The following PDIA5 variants were observed in gnomAD, a reference collection of about 807,000 sequenced individuals.
PDIA5 encodes protein disulfide isomerase family A member 5.
A neutral mutation model predicts 77.6 loss-of-function variants in PDIA5; 58 were observed. That is an observed-to-expected ratio of 0.75 (90% CI 0.61 to 0.93). PDIA5 has a LOEUF of 0.93. Among genes scored for constraint, PDIA5 ranks in the 40% least tolerant of loss-of-function variants. The pLI is 0.00. For synonymous variants in PDIA5, 250 were observed against 252.1 expected (o/e 0.99, Z 0.08); for missense variants, 630 against 647.7 (o/e 0.97, Z 0.30).
At chr3:123,150,416 A>G (rs1935864481) in intron 14 of PDIA5, 52 bp downstream of exon 14, 3 of 1,560,180 alleles carry the variant, frequency 1.9e-6, no homozygotes, top group African/African-American at 2.7e-5. Context: ...GTTTGGCCCC[A>G]CCAAACCAAA....
chr3:123,122,921 G>T (rs1935152471), intron 8 of PDIA5, among the ~76,000 whole-genome samples: 1 of 152,154 alleles, frequency 6.6e-6, no homozygotes, highest in African/African-American at 2.4e-5. Flanking sequence ...ATGCCACTCT[G>T]CTTTGTGGAA....
intron 1 of PDIA5, among the ~76,000 whole-genome samples, chr3:123,071,169 G>A (rs1325354244): frequency 1.3e-5 from 2 of 152,064 alleles, no homozygotes; most frequent in Non-Finnish European, 2.9e-5. Flanking sequence ...TGATCTGTGA[G>A]ATTCAGAACT....
At chr3:123,071,322 T>C (rs954471062) in intron 1 of PDIA5, among the ~76,000 whole-genome samples, 4 of 152,122 alleles carry the variant, frequency 2.6e-5, no homozygotes, top group African/African-American at 9.7e-5. Flanking sequence ...TTCCCACTCA[T>C]CCATCTCCCG....
At chr3:123,129,837 A>G (rs1455886892) in intron 10 of PDIA5, among the ~76,000 whole-genome samples, 2 of 152,180 alleles carry the variant, frequency 1.3e-5, no homozygotes, top group South Asian at 2.1e-4. Context: ...GGAGAACTAA[A>G]TAAGTTGGTT....
intron 7 of PDIA5, among the ~76,000 whole-genome samples, chr3:123,113,066 TTTC>T (rs1934903417): frequency 6.6e-6 from 1 of 152,214 alleles, no homozygotes; most frequent in African/African-American, 2.4e-5. Flanking sequence ...CCCCTTTTTG[TTTC>T]TTCTTGGAGG....
At chr3:123,081,406 C>A (rs1030040619) in intron 1 of PDIA5, among the ~76,000 whole-genome samples, 1 of 152,206 alleles carries the variant, frequency 6.6e-6, no homozygotes, top group African/African-American at 2.4e-5. Context: ...AAATTCTCAG[C>A]CCGCTCAAGT....
chr3:123,077,549 TAC>T (rs368009624), intron 1 of PDIA5, among the ~76,000 whole-genome samples: 2,193 of 135,992 alleles, frequency 0.016, 17 homozygotes, highest in African/African-American at 0.027. Flanking sequence ...CTCACACACA[TAC>T]ACACACACAC....
At chr3:123,141,451 A>G (rs114192899) in intron 11 of PDIA5, among the ~76,000 whole-genome samples, 443 of 152,292 alleles carry the variant, frequency 2.9e-3, no homozygotes, top group African/African-American at 0.01. Context: ...GGGACTTTGC[A>G]TGGACCACTC....
intron 7 of PDIA5, among the ~76,000 whole-genome samples, chr3:123,113,607 T>C (rs1462371913): frequency 6.6e-6 from 1 of 152,184 alleles, no homozygotes; most frequent in East Asian, 1.9e-4. Context: ...GTGTGTATGA[T>C]TTTTTACAAA....
chr3:123,082,438 G>T (rs180867304), intron 1 of PDIA5, among the ~76,000 whole-genome samples: 2 of 152,218 alleles, frequency 1.3e-5, no homozygotes, highest in Non-Finnish European at 2.9e-5. Context: ...ACCCACTGGG[G>T]TATTGTGAGG....
chr3:123,085,087 G>A (rs193155177), intron 1 of PDIA5, among the ~76,000 whole-genome samples: 61 of 152,280 alleles, frequency 4.0e-4, no homozygotes, highest in African/African-American at 1.4e-3. Context: ...GGCTTCCATC[G>A]ACCCTTCTGG....
At chr3:123,091,979 G>T (rs1934300072) in intron 2 of PDIA5, among the ~76,000 whole-genome samples, 1 of 152,246 alleles carries the variant, frequency 6.6e-6, no homozygotes, top group Non-Finnish European at 1.5e-5. Flanking sequence ...GATTGTCATT[G>T]TTTATGGAAT....
At chr3:123,117,662 T>C (rs926719208) in intron 8 of PDIA5, among the ~76,000 whole-genome samples, 1 of 152,028 alleles carries the variant, frequency 6.6e-6, no homozygotes, top group Non-Finnish European at 1.5e-5. Flanking sequence ...ATTTCCTTCT[T>C]TTTTTAGGGC....
chr3:123,150,435 C>A lies in PDIA5; in HGVS notation c.1273+71C>A, dbSNP rs555318245. Reference sequence around the variant, plus strand: ...GGCCCCACCAAACCAAAAAGACCCGCACACCCACCCCAGGGACCAAGGCAG... The same window carrying A: ...GGCCCCACCAAACCAAAAAGACCCGAACACCCACCCCAGGGACCAAGGCAG... On this transcript the variant is annotated intron_variant, in intron 14 of 16. Coordinates refer to ENST00000316218, the MANE Select transcript of PDIA5 (RefSeq NM_006810.4). The A allele has an allele frequency of 4.7e-5, 69 of 1,472,858 alleles. No individual in the cohort carries two copies. In the African/African-American group the frequency reaches 8.0e-4, roughly 17 times the overall value. 91.2% of individuals were successfully genotyped at this position (1,472,858 alleles called of 1,614,324 possible).
intron 1 of PDIA5, among the ~76,000 whole-genome samples, chr3:123,070,542 G>A (rs1326819959): frequency 6.6e-6 from 1 of 152,252 alleles, no homozygotes; most frequent in Non-Finnish European, 1.5e-5. Flanking sequence ...GGACAGGTTA[G>A]TTCCAAGAGC....
intron 3 of PDIA5, among the ~76,000 whole-genome samples, chr3:123,093,020 C>T (rs1263773440): frequency 6.6e-6 from 1 of 152,154 alleles, no homozygotes; most frequent in African/African-American, 2.4e-5. Context: ...CCTGTTACTA[C>T]CCTGCAGGTT....
intron 1 of PDIA5, among the ~76,000 whole-genome samples, chr3:123,084,836 C>T (rs1285137422): frequency 6.6e-6 from 1 of 152,212 alleles, no homozygotes; most frequent in African/African-American, 2.4e-5. Context: ...CGCGGGCAGC[C>T]ACCCAGCAGG....
At chr3:123,119,397 G>T (rs1434696973) in intron 8 of PDIA5, among the ~76,000 whole-genome samples, 4 of 152,210 alleles carry the variant, frequency 2.6e-5, no homozygotes, top group African/African-American at 9.6e-5. Context: ...CCAGGTGTTG[G>T]CTGCCTTGGC....
intron 1 of PDIA5, among the ~76,000 whole-genome samples, chr3:123,069,811 C>T (rs1445716882): frequency 3.3e-5 from 5 of 152,208 alleles, no homozygotes; most frequent in South Asian, 2.1e-4. Context: ...CAGTCCTGGC[C>T]GGGCACAGTT....
Sources: allele counts gnomAD v4.1 joint callset (sites outside exome capture counted in the v4.1 genomes callset), GRCh38; gene constraint gnomAD v4.1.1; transcripts MANE v1.5; gene names NCBI Gene and HGNC (gene_info 2026-07-23, HGNC 2026-07-21).